PIGZ: variants seen among roughly 807,000 people sequenced by gnomAD.
PIGZ encodes phosphatidylinositol glycan anchor biosynthesis class Z (Gwada blood group), also known as GPI alpha-1,2-mannosyltransferase 4.
A neutral mutation model predicts 16.4 loss-of-function variants in PIGZ; 16 were observed. That is an observed-to-expected ratio of 0.97 (90% CI 0.66 to 1.48). The LOEUF (loss-of-function observed/expected upper bound fraction) is 1.48, where lower values mean the gene tolerates loss of function less well. PIGZ is among the 40% of genes most tolerant of loss of function. PIGZ has a pLI of 0.00. For missense variants in PIGZ, 770 were observed against 739.2 expected (o/e 1.04, Z -0.48); for synonymous variants, 409 against 338.4 (o/e 1.21, Z -2.29).
At position 196,948,123 on chromosome 3, in the gene PIGZ, G is replaced by A. The variant is rs1485908267; in HGVS notation, c.774C>T (p.Ala258=). Residue 258 remains alanine (A), a synonymous_variant, in exon 3 of 3, where the codon GCC becomes GCT. Coordinates refer to ENST00000412723, the MANE Select transcript of PIGZ (RefSeq NM_025163.4). The stretch of plus-strand genomic sequence containing the variant: ...GGGCTGCCCCAGGGAGCAGCACCAG[G>A]GCCTCCCGGGTCAGAGACTTCAAAC... The part of the protein sequence containing the change: ...NPGLKSLTRE[A]LVLLPGAALT... 1.2e-6 allele frequency: 2 copies of A among 1,601,984 alleles called. No individual in the cohort carries two copies. The highest frequency in any genetic ancestry group is 1.7e-6 in the Non-Finnish European group (2 of 1,172,752).
chr3:196,966,305 A>G (rs1476991885), intron 1 of PIGZ, among the ~76,000 whole-genome samples: 1 of 152,242 alleles, frequency 6.6e-6, no homozygotes, highest in Admixed American at 6.5e-5. Flanking sequence ...GCTTTAAAAC[A>G]AGTACCTATC....
rs1716916896 is a variant in PIGZ at position 196,947,170 on chromosome 3, C to T, written c.1727G>A (p.Gly576Glu). 6.4e-7 allele frequency: 1 copy of T among 1,550,730 alleles called. No individual in the cohort carries two copies. Among genetic ancestry groups the T allele is most frequent in the South Asian group, 1.2e-5 (1 of 80,294 alleles). ...DHLSLHIVEL[G>E]EET Reference sequence around the variant, plus strand: ...TCTGTCATATTGTCAGGTTTCTTCCCCCAGCTCCACAATGTGAAGACTGAG... The same window carrying T: ...TCTGTCATATTGTCAGGTTTCTTCCTCCAGCTCCACAATGTGAAGACTGAG... The change falls in exon 3 of 3, where the codon GGG (glycine) becomes GAG (glutamate). Residue 576 changes from glycine (G) to glutamate (E), a missense_variant. Coordinates refer to ENST00000412723, the MANE Select transcript of PIGZ (RefSeq NM_025163.4).
In PIGZ at chr3:196,952,046, A is replaced by G. The variant is rs759873845; in HGVS notation, c.1-15T>C. The G allele has an allele frequency of 2.5e-6, 4 of 1,609,116 alleles. No individual in the cohort carries two copies. In the South Asian group the frequency reaches 4.4e-5, roughly 18 times the overall value. On this transcript the variant is annotated splice_polypyrimidine_tract_variant and intron_variant, in intron 1 of 2. Coordinates refer to ENST00000412723, the MANE Select transcript of PIGZ (RefSeq NM_025163.4). The stretch of plus-strand genomic sequence containing the variant: ...CAGATCTGCATCTGTTGAGGATAAC[A>G]GTTGTTGGTTATCACGATGTAAATT...
rs530648802 is a variant in PIGZ at position 196,965,815 on chromosome 3, T to G, written c.-1+2872A>C. On this transcript the variant is annotated intron_variant, in intron 1 of 2. Coordinates refer to ENST00000412723, the MANE Select transcript of PIGZ (RefSeq NM_025163.4). The surrounding 1 kb of genome is among the most constrained non-coding windows in gnomAD (Gnocchi z 4.2). Reference sequence around the variant, plus strand: ...GCAATCATTTTCTGTGGATGAATAATGAGGGAGATGGTAAGAAGCATGACC... The same window carrying G: ...GCAATCATTTTCTGTGGATGAATAAGGAGGGAGATGGTAAGAAGCATGACC... Among the ~76,000 whole-genome samples, 10 of 152,274 alleles carry G rather than the reference T, an allele frequency of 6.6e-5. No individual in the cohort carries two copies. The highest frequency in any genetic ancestry group is 1.2e-4 in the African/African-American group (5 of 41,544).
At position 196,965,258 on chromosome 3, in the gene PIGZ, T is replaced by C. The variant is rs1346965277; in HGVS notation, c.-1+3429A>G. On this transcript the variant is annotated intron_variant, in intron 1 of 2. Transcript: ENST00000412723. This position sits in a 1 kb window ranked among gnomAD's most constrained non-coding sequence, Gnocchi z 4.2. ...GGAAGTTTCAGGAAACTTACAGTCA[T>C]AGCGGAAGGGGAAGCAGGCACCTCT... Among the ~76,000 whole-genome samples, 5 of 152,196 alleles carry C rather than the reference T, an allele frequency of 3.3e-5. No homozygotes were observed. The highest frequency in any genetic ancestry group is 2.6e-4 in the Admixed American group (4 of 15,282).
intron 1 of PIGZ, among the ~76,000 whole-genome samples, chr3:196,952,915 T>C (rs4916451): frequency 0.54 from 81,436 of 151,934 alleles, 22,543 homozygotes; most frequent in East Asian, 0.93. Context: ...GGTTCTTGGG[T>C]CTTCAGACTC....
At chr3:196,951,581 GGATACATCAAA>G (rs1577886062) in intron 2 of PIGZ, 2 of 569,984 alleles carry the variant, frequency 3.5e-6, no homozygotes, top group African/African-American at 1.9e-5. Flanking sequence ...GTCCAAGCAG[GGATACATCAAA>G]GAGACTGGTG....
chr3:196,949,543 G>T (rs1717177700), intron 2 of PIGZ, among the ~76,000 whole-genome samples: 1 of 152,238 alleles, frequency 6.6e-6, no homozygotes, highest in Admixed American at 6.5e-5. Flanking sequence ...TTCCAGACAA[G>T]AACTCAGCCC....
chr3:196,948,277 G>T lies in PIGZ; in HGVS notation c.620C>A (p.Pro207Gln). Residue 207 changes from proline (P) to glutamine (Q), a missense_variant, in exon 3 of 3, where the codon CCG becomes CAG. By Grantham distance (76) the Pro-to-Gln change is moderately conservative (BLOSUM62 -1). Transcript: ENST00000412723. Reference protein sequence around the residue: ...TWGPTRKEPAPGPRWRSWLLG... With the variant: ...TWGPTRKEPAQGPRWRSWLLG... Reference sequence around the variant, plus strand: ...AAGCCAGCTGCGCCACCGTGGACCCGGCGCCGGCTCCTTGCGTGTAGGGCC... The same window carrying T: ...AAGCCAGCTGCGCCACCGTGGACCCTGCGCCGGCTCCTTGCGTGTAGGGCC... 1.2e-6 allele frequency: 2 copies of T among 1,614,120 alleles called. No homozygotes were observed. The highest frequency in any genetic ancestry group is 1.7e-6 in the Non-Finnish European group (2 of 1,179,998).
At position 196,964,143 on chromosome 3, in the gene PIGZ, C is replaced by T. The variant is rs986334722; in HGVS notation, c.-1+4544G>A. ...TCAGCTCACTGCAAGCTCCACCTCC[C>T]GGGTTCACGCCATTCTCCTACCTCA... On this transcript the variant is annotated intron_variant, in intron 1 of 2. Coordinates refer to ENST00000412723, the MANE Select transcript of PIGZ (RefSeq NM_025163.4). Among the ~76,000 whole-genome samples, 16 of 152,180 alleles carry T rather than the reference C, an allele frequency of 1.1e-4. No homozygotes were observed. In the South Asian group the frequency reaches 2.3e-3, roughly 22 times the overall value.
At chr3:196,957,579 A>G (rs545872400) in intron 1 of PIGZ, among the ~76,000 whole-genome samples, 1 of 152,002 alleles carries the variant, frequency 6.6e-6, no homozygotes, top group African/African-American at 2.4e-5. Flanking sequence ...ACGGGGTTTC[A>G]TCATGTTGGC....
intron 1 of PIGZ, among the ~76,000 whole-genome samples, chr3:196,957,540 A>G (rs1197856023): frequency 1.3e-5 from 2 of 151,586 alleles, no homozygotes; most frequent in South Asian, 2.1e-4. Context: ...ATGCCACCAC[A>G]CCCAGCTAAT....
In PIGZ at chr3:196,947,176, T is replaced by C; in HGVS notation, c.1721A>G (p.Glu574Gly). 2 of 1,555,198 alleles carry C rather than the reference T, an allele frequency of 1.3e-6. No homozygotes were observed. The highest frequency in any genetic ancestry group is 1.7e-6 in the Non-Finnish European group (2 of 1,148,786). ...WRDHLSLHIVELGEET is the reference protein window; with the variant it reads ...WRDHLSLHIVGLGEET ...ATATTGTCAGGTTTCTTCCCCCAGC[T>C]CCACAATGTGAAGACTGAGGTGGTC... The change falls in exon 3 of 3, where the codon GAG (glutamate) becomes GGG (glycine). Residue 574 changes from glutamate (E) to glycine (G), a missense_variant. Coordinates refer to ENST00000412723, the MANE Select transcript of PIGZ (RefSeq NM_025163.4).
At position 196,956,437 on chromosome 3, in the gene PIGZ, A is replaced by G. The variant is rs1301064571; in HGVS notation, c.1-4406T>C. ...AAAGGGGGTTTCCCCTTATAAAACC[A>G]TCAGATCTCGTGAGACCTATTCACT... On this transcript the variant is annotated intron_variant, in intron 1 of 2. Coordinates refer to ENST00000412723, the MANE Select transcript of PIGZ (RefSeq NM_025163.4). Among the ~76,000 whole-genome samples the G allele has an allele frequency of 3.9e-5, 6 of 152,230 alleles. No homozygotes were observed. The East Asian group carries it at 7.7e-4, about 20-fold the overall frequency.
At position 196,961,262 on chromosome 3, in the gene PIGZ, A is replaced by C; in HGVS notation, c.-1+7425T>G. On this transcript the variant is annotated intron_variant, in intron 1 of 2. Transcript: ENST00000412723. ...CCTCACTTTCCTGATACGGGACAGAAGTAGTAGCTCCATTGGTCAGTTTTG... is the reference window on the plus strand; with the variant it reads ...CCTCACTTTCCTGATACGGGACAGACGTAGTAGCTCCATTGGTCAGTTTTG... Among the ~76,000 whole-genome samples the C allele has an allele frequency of 1.3e-5, 2 of 152,348 alleles. 1 individual carries two copies. The highest frequency in any genetic ancestry group is 2.9e-5 in the Non-Finnish European group (2 of 68,034).
rs1332213608 is a variant in PIGZ, at chr3:196,947,754, T to C, written c.1143A>G (p.Leu381=). The C allele has an allele frequency of 1.2e-6, 2 of 1,612,324 alleles. No individual in the cohort carries two copies. The highest frequency in any genetic ancestry group is 1.7e-6 in the Non-Finnish European group (2 of 1,179,170). ...LLLYFMPLAL[L]SAFSHQEARF... is the part of the protein sequence containing the mutation. ...GAGCCTCCTGGTGGCTAAAGGCAGATAGCAGGGCCAGAGGCATGAAGTAGA... is the reference window on the plus strand; with the variant it reads ...GAGCCTCCTGGTGGCTAAAGGCAGACAGCAGGGCCAGAGGCATGAAGTAGA... Residue 381 remains leucine (L), a synonymous_variant, in exon 3 of 3, where the codon CTA becomes CTG. Coordinates refer to ENST00000412723, the MANE Select transcript of PIGZ (RefSeq NM_025163.4).
Position 196,966,334 on chromosome 3 carries a change from T to C in PIGZ, c.-1+2353A>G, listed in dbSNP as rs139615791. On this transcript the variant is annotated intron_variant, in intron 1 of 2. Transcript: ENST00000412723. ...ACCTATCTCAGGGCTGTTGTGAAGATGAAATGAAGAAAATATGCAGACATA... is the reference window on the plus strand; with the variant it reads ...ACCTATCTCAGGGCTGTTGTGAAGACGAAATGAAGAAAATATGCAGACATA... Among the ~76,000 whole-genome samples the C allele has an allele frequency of 2.9e-4, 44 of 152,370 alleles. No homozygotes were observed. In the East Asian group the frequency reaches 7.9e-3, roughly 27 times the overall value.
In PIGZ at chr3:196,948,179, G is replaced by A. The variant is rs200831638; in HGVS notation, c.718C>T (p.Leu240Phe). The change falls in exon 3 of 3, where the codon CTC (leucine) becomes TTC (phenylalanine). Residue 240 changes from leucine to phenylalanine, a missense_variant. Physicochemically the swap from Leu to Phe is conservative, Grantham distance 22. Transcript: ENST00000412723. Reference protein sequence around the residue: ...FLAFAVVPLYLWGTRGATNPG... With the variant: ...FLAFAVVPLYFWGTRGATNPG... ...TTTGTGGCTCCACGAGTGCCCCAGA[G>A]GTAGAGGGGGACCACAGCAAAGGCC... 1.2e-5 allele frequency: 19 copies of A among 1,614,074 alleles called. No homozygotes were observed. The African/African-American group carries it at 2.3e-4, about 19-fold the overall frequency.
In PIGZ at chr3:196,947,017, C is replaced by T. The variant is rs1577874708; in HGVS notation, c.*140G>A. On this transcript the variant is annotated 3_prime_UTR_variant, in exon 3 of 3. Coordinates refer to ENST00000412723, the MANE Select transcript of PIGZ (RefSeq NM_025163.4). ...ACCCAGAAGGCAGAACAGCTAACAG[C>T]CATGCCCAGGAGAGGCAGCAGTGGG... 5 of 691,778 alleles carry T rather than the reference C, an allele frequency of 7.2e-6. No individual in the cohort carries two copies. The East Asian group carries it at 1.4e-4, about 19-fold the overall frequency. The allele number at this position is 691,778 out of a possible 1,614,324, so 42.9% of individuals were successfully genotyped here.
Sources: allele counts gnomAD v4.1 joint callset (sites outside exome capture counted in the v4.1 genomes callset), GRCh38; gene constraint gnomAD v4.1.1; non-coding constraint Gnocchi (gnomAD v3.1); transcripts MANE v1.5; gene names NCBI Gene and HGNC (gene_info 2026-07-23, HGNC 2026-07-21).